The following SPRR2G variants were observed in gnomAD, a reference collection of about 807,000 sequenced individuals.
The protein encoded by SPRR2G is small proline-rich protein 2G.
In SPRR2G, 1 loss-of-function variant was observed where a neutral mutation model predicts 0.7. The ratio of observed to expected loss-of-function variants is 1.49; its 90% CI spans 0.53 to 7.06. The LOEUF (loss-of-function observed/expected upper bound fraction) is 7.06, where lower values mean the gene tolerates loss of function less well. Among genes scored for constraint, SPRR2G ranks in the 30% most tolerant of loss-of-function variants. SPRR2G has a pLI of 0.14. For synonymous variants in SPRR2G, 38 were observed against 33.9 expected, an observed-to-expected ratio of 1.12 and a Z score of -0.42; for missense variants, 96 against 88.5, an observed-to-expected ratio of 1.09 and a Z score of -0.34.
upstream of SPRR2G, among the ~76,000 whole-genome samples, chr1:153,153,787 G>C (rs748417324): frequency 6.6e-5 from 10 of 152,080 alleles, no homozygotes; most frequent in Non-Finnish European, 1.2e-4. Context: ...AATAAATAAA[G>C]ATATGCTGCT....
chr1:153,154,635 G>C (rs906818027), upstream of SPRR2G, among the ~76,000 whole-genome samples: 1 of 151,910 alleles, frequency 6.6e-6, no homozygotes, highest in African/African-American at 2.4e-5. Context: ...CCAATTTATT[G>C]CTATATAGTT....
chr1:153,193,271 G>A, the SPRR2G span, among the ~76,000 whole-genome samples: 212 of 152,140 alleles, frequency 1.4e-3, 2 homozygotes, highest in African/African-American at 5.0e-3. Context: ...CACCCCCACC[G>A]ATCATCCAAA....
the SPRR2G span, among the ~76,000 whole-genome samples, chr1:153,171,198 T>C: frequency 3.3e-5 from 5 of 152,276 alleles, no homozygotes; most frequent in East Asian, 9.7e-4. Flanking sequence ...GCAATTAGTT[T>C]CTCTGAATAT....
the SPRR2G span, among the ~76,000 whole-genome samples, chr1:153,179,262 T>C: frequency 6.6e-6 from 1 of 152,190 alleles, no homozygotes; most frequent in African/African-American, 2.4e-5. Context: ...TAATGGACTT[T>C]AATCACATCT....
intron 1 of SPRR2G, 34 bp from the exon 2 acceptor site, chr1:153,150,165 G>A (rs900053458): frequency 2.5e-6 from 4 of 1,606,184 alleles, no homozygotes; most frequent in Admixed American, 3.3e-5. Flanking sequence ...GCTCATAAGA[G>A]AGACAGTCCT....
the SPRR2G span, among the ~76,000 whole-genome samples, chr1:153,199,321 G>A: frequency 6.6e-6 from 1 of 152,198 alleles, no homozygotes; most frequent in Non-Finnish European, 1.5e-5. Context: ...CCAATGCCTA[G>A]GCGCTACAGG....
the SPRR2G span, chr1:153,176,056 C>CA: frequency 0.042 from 6,061 of 145,416 alleles, 362 homozygotes; most frequent in Admixed American, 0.16. Context: ...AACTCCATCT[C>CA]AAAAAAAAAA....
chr1:153,194,118 C>T, the SPRR2G span, among the ~76,000 whole-genome samples: 5 of 152,192 alleles, frequency 3.3e-5, no homozygotes, highest in African/African-American at 4.8e-5. Context: ...GAATTTTACT[C>T]TTTCTGATGT....
upstream of SPRR2G, among the ~76,000 whole-genome samples, chr1:153,153,895 C>A (rs1489120125): frequency 6.6e-6 from 1 of 152,036 alleles, no homozygotes; most frequent in Non-Finnish European, 1.5e-5. Flanking sequence ...CCTTGCTTTG[C>A]TCCTGATCTT....
At chr1:153,185,334 C>G in the SPRR2G span, among the ~76,000 whole-genome samples, 33 of 127,372 alleles carry the variant, frequency 2.6e-4, no homozygotes, top group Non-Finnish European at 4.0e-4. Flanking sequence ...CCTTCTGGTC[C>G]TGGGCTTTTT....
At chr1:153,190,146 C>T in the SPRR2G span, 4 of 152,398 alleles carry the variant, frequency 2.6e-5, no homozygotes, top group Non-Finnish European at 4.4e-5. Flanking sequence ...GCCAGCACCA[C>T]TCCCAACTCA....
chr1:153,179,918 T>C, the SPRR2G span, among the ~76,000 whole-genome samples: 2 of 152,268 alleles, frequency 1.3e-5, no homozygotes, highest in East Asian at 3.9e-4. Flanking sequence ...ATTGAAATGA[T>C]CAAATATCTT....
the SPRR2G span, among the ~76,000 whole-genome samples, chr1:153,168,055 C>A: frequency 5.3e-3 from 805 of 152,190 alleles, 11 homozygotes; most frequent in Middle Eastern, 0.02. Context: ...GTAGTGTCTC[C>A]ATCAAAGAAG....
At chr1:153,189,441 A>G in the SPRR2G span, among the ~76,000 whole-genome samples, 1 of 151,846 alleles carries the variant, frequency 6.6e-6, no homozygotes, top group Non-Finnish European at 1.5e-5. Context: ...ATATACTTAT[A>G]TTTTATAGAT....
At chr1:153,183,827 T>A in the SPRR2G span, among the ~76,000 whole-genome samples, 3 of 152,212 alleles carry the variant, frequency 2.0e-5, no homozygotes, top group African/African-American at 7.2e-5. Context: ...TGCCTAGGTT[T>A]TCTTCTAGGG....
chr1:153,197,172 GTGTGTGTA>G, the SPRR2G span, among the ~76,000 whole-genome samples: 10 of 121,050 alleles, frequency 8.3e-5, no homozygotes, highest in East Asian at 1.6e-3. Context: ...GTGTGTGTGT[GTGTGTGTA>G]TGTTGGAGGA....
At chr1:153,184,753 C>T in the SPRR2G span, among the ~76,000 whole-genome samples, 607 of 152,162 alleles carry the variant, frequency 4.0e-3, 9 homozygotes, top group African/African-American at 0.013. Context: ...GAAATAGGAG[C>T]GGTGAGAGAG....
the SPRR2G span, among the ~76,000 whole-genome samples, chr1:153,165,605 C>G: frequency 6.6e-6 from 1 of 152,104 alleles, no homozygotes; most frequent in Non-Finnish European, 1.5e-5. Context: ...TCTCCTCTCC[C>G]AGAACTCCTT....
At chr1:153,198,044 A>AT in the SPRR2G span, among the ~76,000 whole-genome samples, 3 of 152,188 alleles carry the variant, frequency 2.0e-5, no homozygotes, top group African/African-American at 7.2e-5. Flanking sequence ...GGGGATAAAA[A>AT]TTTCAGAATG....
Sources: gnomAD v4.1 joint callset for allele counts (sites outside exome capture counted in the v4.1 genomes callset) on GRCh38, gnomAD v4.1.1 for gene constraint, MANE v1.5 for transcripts, NCBI Gene and HGNC (gene_info 2026-07-23, HGNC 2026-07-21) for gene names.